Variants in GGTA1 observed in about 807,000 individuals in gnomAD.
GGTA1 encodes the protein inactive N-acetyllactosaminide alpha-1,3-galactosyltransferase.
GGTA1 carries 5 observed loss-of-function variants against 2.6 expected under a neutral mutation model. The observed-to-expected ratio is 1.92, with a 90% CI of 1.00 to 4.04. The LOEUF is 4.04. Ranked by LOEUF, GGTA1 falls within the 30% of genes most tolerant of loss-of-function variation. The probability of loss-of-function intolerance (pLI) is 0.00; values close to 1 mark genes in which losing one functional copy is unlikely to be tolerated. For missense variants in GGTA1, 50 were observed against 16.7 expected (o/e 2.99, Z -3.47); for synonymous variants, 17 against 5.0 (o/e 3.38, Z -3.19).
chr9:121,468,154 T>C (rs1828297659), intron 1 of GGTA1, among the ~76,000 whole-genome samples: 1 of 152,216 alleles, frequency 6.6e-6, no homozygotes, highest in Non-Finnish European at 1.5e-5. Flanking sequence ...TTTCTCCTAA[T>C]GATATCCCTC....
intron 7 of GGTA1, among the ~76,000 whole-genome samples, chr9:121,449,568 A>C (rs1181624075): frequency 1.3e-5 from 2 of 152,222 alleles, no homozygotes; most frequent in South Asian, 2.1e-4. Flanking sequence ...ATTGCCGGGC[A>C]CGGTGGCTCA....
chr9:121,447,752 A>T (rs1190113118), intron 7 of GGTA1, among the ~76,000 whole-genome samples: 1 of 152,140 alleles, frequency 6.6e-6, no homozygotes, highest in East Asian at 1.9e-4. Context: ...TCTATATTTT[A>T]TGGTTAGTAG....
chr9:121,480,675 TA>T, intron 1 of GGTA1, among the ~76,000 whole-genome samples: 1 of 152,254 alleles, frequency 6.6e-6, no homozygotes, highest in South Asian at 2.1e-4. Flanking sequence ...TTCCGCCTCT[TA>T]AGGGGATGAG....
intron 1 of GGTA1, among the ~76,000 whole-genome samples, chr9:121,479,732 AGT>A (rs983779006): frequency 6.6e-6 from 1 of 152,206 alleles, no homozygotes; most frequent in African/African-American, 2.4e-5. Flanking sequence ...ACCACAGAGG[AGT>A]GGACAAAGGG....
At chr9:121,470,712 A>G (rs10818544) in intron 1 of GGTA1, among the ~76,000 whole-genome samples, 9,427 of 152,282 alleles carry the variant, frequency 0.062, 337 homozygotes, top group East Asian at 0.11. Context: ...CTTGGGAAGG[A>G]ATTTAGTTTA....
At chr9:121,473,507 CAA>C (rs148084673) in intron 1 of GGTA1, among the ~76,000 whole-genome samples, 1 of 151,910 alleles carries the variant, frequency 6.6e-6, no homozygotes, top group African/African-American at 2.4e-5. Flanking sequence ...TCTCTCTGGA[CAA>C]AAAAATGAGG....
At chr9:121,493,915 C>T (rs964714847) in intron 1 of GGTA1, among the ~76,000 whole-genome samples, 2 of 151,992 alleles carry the variant, frequency 1.3e-5, no homozygotes, top group African/African-American at 2.4e-5. Flanking sequence ...CACAACCACG[C>T]CCAGCTAATT....
At chr9:121,460,814 C>T (rs1216697181) in intron 4 of GGTA1, among the ~76,000 whole-genome samples, 1 of 152,006 alleles carries the variant, frequency 6.6e-6, no homozygotes, top group Admixed American at 6.6e-5. Context: ...CACTGCACTC[C>T]AGCCTGGGCA....
In GGTA1 at chr9:121,496,757, A is replaced by AAAAAAAAAAAAAAGAG. The variant is rs1554838784; in HGVS notation, c.-10+2892_-10+2893insCTCTTTTTTTTTTTTT. ...AAAAAAAAAAAAAAAAAAAAAAAAA[A>AAAAAAAAAAAAAAGAG]AGAGAGAGAGAATCGCTTGAATGAA... On this transcript the variant is annotated intron_variant, in intron 1 of 5. Transcript: ENST00000481799. Among the ~76,000 whole-genome samples, 50 of 111,960 alleles carry AAAAAAAAAAAAAAGAG rather than the reference A, an allele frequency of 4.5e-4. 1 individual carries two copies. Among genetic ancestry groups the AAAAAAAAAAAAAAGAG allele is most frequent in the Non-Finnish European group, 7.2e-4 (35 of 48,284 alleles). 73.5% of individuals were successfully genotyped at this position (111,960 alleles called of 152,430 possible). A position where few individuals can be genotyped will look rare whatever the true frequency, so the allele number is the denominator to read the frequency against.
chr9:121,463,097 T>A, intron 3 of GGTA1, 196 bp downstream of exon 3: 2 of 321,330 alleles, frequency 6.2e-6, no homozygotes, highest in South Asian at 4.9e-5. Context: ...GAGGGCAAGA[T>A]ACAAGCCATG....
chr9:121,498,864 C>A (rs1176924624), intron 1 of GGTA1, among the ~76,000 whole-genome samples: 4 of 151,644 alleles, frequency 2.6e-5, no homozygotes, highest in Non-Finnish European at 5.9e-5. Context: ...GCTCTTTGCG[C>A]GCTGACATTT....
intron 1 of GGTA1, among the ~76,000 whole-genome samples, chr9:121,477,752 T>A (rs75927965): frequency 6.6e-6 from 1 of 151,800 alleles, no homozygotes; most frequent in Admixed American, 6.6e-5. Context: ...ATTTTTTTTT[T>A]AATTTTTAGT....
intron 5 of GGTA1, 70 bp downstream of exon 5, chr9:121,460,034 C>G (rs572482218): frequency 2.2e-6 from 1 of 444,446 alleles, no homozygotes; most frequent in African/African-American, 2.0e-5. Flanking sequence ...GGCACTGTTG[C>G]CTCCACTGCC....
intron 1 of GGTA1, among the ~76,000 whole-genome samples, chr9:121,496,457 G>A (rs542493105): frequency 9.9e-5 from 15 of 152,100 alleles, no homozygotes; most frequent in African/African-American, 2.7e-4. Context: ...TAGGCCGGGC[G>A]TGGTGGCTCA....
chr9:121,498,768 C>G (rs543903323), intron 1 of GGTA1, among the ~76,000 whole-genome samples: 1 of 152,180 alleles, frequency 6.6e-6, no homozygotes, highest in African/African-American at 2.4e-5. Context: ...GCCGGAGGAG[C>G]GGCTCTCACA....
At chr9:121,475,268 A>G (rs1301224428) in intron 1 of GGTA1, among the ~76,000 whole-genome samples, 1 of 152,160 alleles carries the variant, frequency 6.6e-6, no homozygotes, top group Non-Finnish European at 1.5e-5. Context: ...ATACCATGGC[A>G]ATGTCAGGAA....
intron 1 of GGTA1, among the ~76,000 whole-genome samples, chr9:121,468,176 C>A (rs752374374): frequency 5.3e-4 from 81 of 152,190 alleles, no homozygotes; most frequent in Non-Finnish European, 9.7e-4. Flanking sequence ...CCTAGCCCCC[C>A]ATCCCCTGAC....
chr9:121,477,994 G>A (rs1179463087), intron 1 of GGTA1, among the ~76,000 whole-genome samples: 3 of 151,836 alleles, frequency 2.0e-5, no homozygotes, highest in Non-Finnish European at 4.4e-5. Context: ...CCCTTTTCAG[G>A]AGTCTCTTAG....
rs181318896 is a variant in GGTA1 at position 121,455,881 on chromosome 9, T to A, written c.299-40A>T. Reference sequence around the variant, plus strand: ...AGCAACATTAAAAATTTATGTTGAATTAAAAATTAAAATATTCTATTTCCC... The same window carrying A: ...AGCAACATTAAAAATTTATGTTGAAATAAAAATTAAAATATTCTATTTCCC... On this transcript the variant is annotated intron_variant, in intron 5 of 5. Transcript: ENST00000481799. 2.6e-5 allele frequency: 12 copies of A among 453,196 alleles called. No homozygotes were observed. In the East Asian group the frequency reaches 8.3e-4, roughly 31 times the overall value. 28.1% of individuals were successfully genotyped at this position (453,196 alleles called of 1,614,324 possible).
Sources: allele counts gnomAD v4.1 joint callset (sites outside exome capture counted in the v4.1 genomes callset), GRCh38; gene constraint gnomAD v4.1.1; transcripts MANE v1.5; gene names NCBI Gene and HGNC (gene_info 2026-07-23, HGNC 2026-07-21).